Variants in DHRSX observed in about 807,000 individuals in gnomAD.
The protein encoded by DHRSX is polyprenol dehydrogenase.
DHRSX carries 31 observed loss-of-function variants against 34.0 expected under a neutral mutation model. That is an observed-to-expected ratio of 0.91 (90% confidence interval 0.69 to 1.23). The LOEUF is 1.23. Ranked by LOEUF, DHRSX falls within the 50% of genes most tolerant of loss-of-function variation. DHRSX has a pLI of 0.00. For missense variants in DHRSX, 414 were observed against 428.1 expected, an observed-to-expected ratio of 0.97 and a Z score of 0.29; for synonymous variants, 201 against 183.8, an observed-to-expected ratio of 1.09 and a Z score of -0.76.
chrX:2,341,351 G>A (rs867889199), intron 3 of DHRSX, among the ~76,000 whole-genome samples: 2 of 152,028 alleles, frequency 1.3e-5, no homozygotes, highest in Middle Eastern at 3.2e-3. Context: ...CTGTGAAATC[G>A]AGGTGCCTAC....
chrX:2,325,186 G>A (rs1393305802), intron 3 of DHRSX, among the ~76,000 whole-genome samples: 1 of 152,192 alleles, frequency 6.6e-6, no homozygotes, highest in East Asian at 1.9e-4. Flanking sequence ...GGTGAATGTC[G>A]GGAGGACCTA....
intron 1 of DHRSX, among the ~76,000 whole-genome samples, chrX:2,448,382 A>G (rs1272334505): frequency 6.6e-6 from 1 of 152,134 alleles, no homozygotes; most frequent in Non-Finnish European, 1.5e-5. Context: ...CATAAAAGAA[A>G]TAAATTCAAA....
intron 3 of DHRSX, among the ~76,000 whole-genome samples, chrX:2,407,596 T>C (rs2043572626): frequency 6.6e-6 from 1 of 152,240 alleles, no homozygotes; most frequent in South Asian, 2.1e-4. Flanking sequence ...AGAATCTGGC[T>C]GCCTTCAGCC....
At chrX:2,298,193 C>G (rs2041957475) in intron 3 of DHRSX, among the ~76,000 whole-genome samples, 1 of 151,942 alleles carries the variant, frequency 6.6e-6, no homozygotes, top group East Asian at 1.9e-4. Context: ...CTGGGGGAGG[C>G]CAAAAGGATC....
At chrX:2,438,356 T>C (rs2044021875) in intron 1 of DHRSX, among the ~76,000 whole-genome samples, 1 of 150,278 alleles carries the variant, frequency 6.7e-6, no homozygotes, top group Non-Finnish European at 1.5e-5. Context: ...AAAGTAAGAT[T>C]GACAGCAAAG....
chrX:2,462,015 T>A (rs1360016746), intron 1 of DHRSX, among the ~76,000 whole-genome samples: 3 of 152,122 alleles, frequency 2.0e-5, no homozygotes, highest in Non-Finnish European at 2.9e-5. Context: ...TAAGCAATTC[T>A]GAGAAGACAC....
chrX:2,343,091 C>T (rs181185394), intron 3 of DHRSX, among the ~76,000 whole-genome samples: 11 of 152,240 alleles, frequency 7.2e-5, no homozygotes, highest in Non-Finnish European at 1.0e-4. Context: ...AACCCGTCTC[C>T]GACCAAAAAC....
intron 3 of DHRSX, among the ~76,000 whole-genome samples, chrX:2,375,436 T>C (rs2043129628): frequency 7.2e-6 from 1 of 138,400 alleles, no homozygotes; most frequent in African/African-American, 2.5e-5. Flanking sequence ...CACTGTCTCC[T>C]CCCTTCCCCT....
Position 2,264,890 on chromosome X carries a change from A to G in DHRSX, c.596+1850T>C, listed in dbSNP as rs867915404. Among the ~76,000 whole-genome samples, 10 of 81,554 alleles carry G rather than the reference A, an allele frequency of 1.2e-4. 1 individual carries two copies. The highest frequency in any genetic ancestry group is 7.1e-4 in the African/African-American group (8 of 11,256). The allele number at this position is 81,554 out of a possible 152,430, so 53.5% of individuals were successfully genotyped here. On this transcript the variant is annotated intron_variant, in intron 5 of 6. Transcript: ENST00000334651. ...GCAGGGAGCACTATGCCGGGCACCAATGTGCAGCAAATGCGGGGGCACTGT... is the reference window on the plus strand; with the variant it reads ...GCAGGGAGCACTATGCCGGGCACCAGTGTGCAGCAAATGCGGGGGCACTGT...
At chrX:2,284,203 C>A (rs2041774735) in intron 4 of DHRSX, among the ~76,000 whole-genome samples, 1 of 152,020 alleles carries the variant, frequency 6.6e-6, no homozygotes, top group Admixed American at 6.5e-5. Context: ...TTCATTTAGT[C>A]CTTTGAATTC....
chrX:2,395,015 G>A (rs140049851), intron 3 of DHRSX, among the ~76,000 whole-genome samples: 2,349 of 152,138 alleles, frequency 0.015, 46 homozygotes, highest in African/African-American at 0.051. Flanking sequence ...CAGGTGATGG[G>A]GAGAGGTTCG....
chrX:2,265,922 G>A lies in DHRSX; in HGVS notation c.596+818C>T, dbSNP rs1304974579. 9.0e-3 allele frequency among the ~76,000 whole-genome samples: 857 copies of A among 95,506 alleles called. 18 individuals carry two copies. The highest frequency in any genetic ancestry group is 0.028 in the African/African-American group (680 of 24,290). The allele number at this position is 95,506 out of a possible 152,430, so 62.7% of individuals were successfully genotyped here. A position where few individuals can be genotyped will look rare whatever the true frequency, so the allele number is the denominator to read the frequency against. ...CACTGTCCCCAGAGCACCAGTGCTC[G>A]GCAGATGCAGGGAGCACTGTCCCCA... is the stretch of plus-strand genomic sequence containing the variant. On this transcript the variant is annotated intron_variant, in intron 5 of 6. Coordinates refer to ENST00000334651, the MANE Select transcript of DHRSX (RefSeq NM_145177.3).
In DHRSX at chrX:2,489,951, C is replaced by T. The variant is rs147995048; in HGVS notation, c.109+10866G>A. On this transcript the variant is annotated intron_variant, in intron 1 of 6. Transcript: ENST00000334651. ...AAGACCTTGGCGCTGATGCCCCACTCGATGAAGACCTCATAGAGCACTCGC... is the reference window on the plus strand; with the variant it reads ...AAGACCTTGGCGCTGATGCCCCACTTGATGAAGACCTCATAGAGCACTCGC... The T allele has an allele frequency of 1.4e-5, 22 of 1,613,808 alleles. 1 individual carries two copies. The highest frequency in any genetic ancestry group is 1.8e-5 in the Non-Finnish European group (21 of 1,179,890).
intron 1 of DHRSX, among the ~76,000 whole-genome samples, chrX:2,478,782 C>T (rs1174104633): frequency 1.3e-5 from 2 of 149,734 alleles, no homozygotes; most frequent in African/African-American, 4.9e-5. Context: ...TAGGCACTGA[C>T]GACGTTCCCT....
At chrX:2,276,876 G>GA (rs1200158567) in intron 4 of DHRSX, among the ~76,000 whole-genome samples, 2,062 of 21,330 alleles carry the variant, frequency 0.097, 170 homozygotes, top group African/African-American at 0.14. Flanking sequence ...GAGAGAAGGA[G>GA]GGGAGGAAAT....
At chrX:2,427,627 C>T (rs899890331) in intron 1 of DHRSX, among the ~76,000 whole-genome samples, 2 of 151,986 alleles carry the variant, frequency 1.3e-5, no homozygotes, top group Non-Finnish European at 2.9e-5. Context: ...GAGAGGGGGA[C>T]ATGATGAGGC....
At chrX:2,490,266 G>A in intron 1 of DHRSX, 2 of 1,613,768 alleles carry the variant, frequency 1.2e-6, no homozygotes, top group South Asian at 1.1e-5. Context: ...GTCTTCAGCA[G>A]CACCTTGAAG....
intron 3 of DHRSX, among the ~76,000 whole-genome samples, chrX:2,303,821 ATGGG>A (rs2042048545): frequency 1.3e-5 from 1 of 78,718 alleles, no homozygotes; most frequent in East Asian, 4.6e-4. Context: ...GGGTGGGTGG[ATGGG>A]TGGGTGGATG....
chrX:2,461,245 A>G (rs1211150742), intron 1 of DHRSX, among the ~76,000 whole-genome samples: 1 of 152,228 alleles, frequency 6.6e-6, no homozygotes, highest in Non-Finnish European at 1.5e-5. Flanking sequence ...ATAAAATAGG[A>G]GTCCGGTGAC....
Sources: allele counts gnomAD v4.1 joint callset (sites outside exome capture counted in the v4.1 genomes callset), GRCh38; gene constraint gnomAD v4.1.1; transcripts MANE v1.5; gene names NCBI Gene and HGNC (gene_info 2026-07-23, HGNC 2026-07-21).